The following LIPN variants were observed in gnomAD, a reference collection of about 807,000 sequenced individuals.
The protein encoded by LIPN is lipase member N.
A neutral mutation model predicts 43.7 loss-of-function variants in LIPN; 32 were observed. The ratio of observed to expected loss-of-function variants is 0.73; its 90% CI spans 0.55 to 0.98. The LOEUF (loss-of-function observed/expected upper bound fraction) is 0.98. Among genes scored for constraint, LIPN ranks in the 50% least tolerant of loss-of-function variants. The pLI is 0.00. For synonymous variants in LIPN, 156 were observed against 157.6 expected, an observed-to-expected ratio of 0.99 and a Z score of 0.08; for missense variants, 505 against 483.8, an observed-to-expected ratio of 1.04 and a Z score of -0.41.
chr10:88,769,368 C>T (rs774111621), intron 6 of LIPN, among the ~76,000 whole-genome samples: 12 of 151,868 alleles, frequency 7.9e-5, no homozygotes, highest in Non-Finnish European at 1.5e-4. Flanking sequence ...AATATGGAAA[C>T]TTGCCCTAAT....
At chr10:88,774,252 A>G (rs1843257643) in intron 7 of LIPN, among the ~76,000 whole-genome samples, 1 of 152,046 alleles carries the variant, frequency 6.6e-6, no homozygotes, top group Non-Finnish European at 1.5e-5. Flanking sequence ...ACAGATTCAG[A>G]GCTGGTACAG....
chr10:88,777,767 C>T (rs1429660912), intron 9 of LIPN, among the ~76,000 whole-genome samples: 5 of 152,026 alleles, frequency 3.3e-5, no homozygotes, highest in Non-Finnish European at 7.4e-5. Context: ...TAATTTTTTG[C>T]CTTTTTTTCC....
At chr10:88,777,896 T>A (rs374356428) in intron 9 of LIPN, 113 bp from the exon 10 acceptor site, 3 of 622,896 alleles carry the variant, frequency 4.8e-6, no homozygotes, top group East Asian at 5.4e-5. Context: ...TTTCTTCATA[T>A]GTTGCTGGTG....
In LIPN at chr10:88,768,802, C is replaced by A; in HGVS notation, c.546C>A (p.Ala182=). ...HSLGTTIGFV[A]FSTMPELAQR... ...CTCCTGTTCTCTCAGGGTTTGTAGC[C>A]TTTTCCACCATGCCTGAACTGGCAC... The change falls in exon 6 of 10, where the codon GCC becomes GCA. Residue 182 remains alanine (A), a synonymous_variant. Coordinates refer to ENST00000404459, the MANE Select transcript of LIPN (RefSeq NM_001102469.2). 6.2e-7 allele frequency: 1 copy of A among 1,611,086 alleles called. No homozygotes were observed. Among genetic ancestry groups the A allele is most frequent in the Non-Finnish European group, 8.5e-7 (1 of 1,178,236 alleles).
intron 7 of LIPN, among the ~76,000 whole-genome samples, chr10:88,773,522 T>A (rs2134857345): frequency 6.6e-6 from 1 of 151,968 alleles, no homozygotes; most frequent in Non-Finnish European, 1.5e-5. Flanking sequence ...GGAGATGGGA[T>A]CCCCTCTTTA....
Position 88,768,982 on chromosome 10 carries a change from C to A in LIPN, c.672+54C>A, listed in dbSNP as rs1843159718. On this transcript the variant is annotated intron_variant, in intron 6 of 9. Transcript: ENST00000404459. ...AGGATCTCATTTTGGATCATAAATC[C>A]TTATTATTTTCAAATCTACTGTAAA... 4.6e-6 allele frequency: 7 copies of A among 1,519,364 alleles called. No homozygotes were observed. The Admixed American group carries it at 9.2e-5, about 20-fold the overall frequency. The allele number at this position is 1,519,364 out of a possible 1,614,324, so 94.1% of individuals were successfully genotyped here.
chr10:88,766,397 C>T lies in LIPN; in HGVS notation c.535+19C>T, dbSNP rs368964551. On this transcript the variant is annotated intron_variant, in intron 5 of 9. Transcript: ENST00000404459. ...ACAATAGGTATGTTTATGAGGGTCACTGTTAGGTGTGTTTTTGAGGGTCAG... is the reference window on the plus strand; with the variant it reads ...ACAATAGGTATGTTTATGAGGGTCATTGTTAGGTGTGTTTTTGAGGGTCAG... The T allele has an allele frequency of 7.1e-7, 1 of 1,416,368 alleles. No homozygotes were observed. Among genetic ancestry groups the T allele is most frequent in the South Asian group, 1.1e-5 (1 of 87,034 alleles). 87.7% of individuals were successfully genotyped at this position (1,416,368 alleles called of 1,614,324 possible). A position where few individuals can be genotyped will look rare whatever the true frequency, so the allele number is the denominator to read the frequency against.
chr10:88,761,459 T>C lies in LIPN; in HGVS notation c.54T>C (p.Ala18=), dbSNP rs771497047. 3.1e-6 allele frequency: 5 copies of C among 1,612,488 alleles called. No homozygotes were observed. Among genetic ancestry groups the C allele is most frequent in the Middle Eastern group, 1.7e-4 (1 of 6,032 alleles). ...GTTTGATCTGTGGAACTTTAAATGC[T>C]GGTGGATTCCTTGATTTGGAAAATG... ...TTCLICGTLN[A]GGFLDLENEV... Residue 18 remains alanine, a synonymous_variant, in exon 2 of 10, where the codon GCT becomes GCC. Coordinates refer to ENST00000404459, the MANE Select transcript of LIPN (RefSeq NM_001102469.2).
At position 88,775,129 on chromosome 10, in the gene LIPN, G is replaced by A; in HGVS notation, c.929G>A (p.Gly310Glu). 6.5e-7 allele frequency: 1 copy of A among 1,546,776 alleles called. No homozygotes were observed. Among genetic ancestry groups the A allele is most frequent in the African/African-American group, 1.4e-5 (1 of 72,862 alleles). Reference sequence around the variant, plus strand: ...GATGAATTCAGAGCTTATGACTGGGGAAATGACGCTGATAATATGAAACAT... The same window carrying A: ...GATGAATTCAGAGCTTATGACTGGGAAAATGACGCTGATAATATGAAACAT... ...HSDEFRAYDW[G>E]NDADNMKHYN... The change falls in exon 9 of 10, where the codon GGA (glycine) becomes GAA (glutamate). Residue 310 changes from glycine to glutamate, a missense_variant. Physicochemically the swap from Gly to Glu is moderately conservative, Grantham distance 98. Transcript: ENST00000404459.
chr10:88,762,953 C>T (rs138507652), intron 3 of LIPN, among the ~76,000 whole-genome samples: 1 of 152,090 alleles, frequency 6.6e-6, no homozygotes, highest in Non-Finnish European at 1.5e-5. Flanking sequence ...ACTACAAATC[C>T]TCTGAAGTAG....
At chr10:88,763,221 A>G (rs1336986272) in intron 3 of LIPN, among the ~76,000 whole-genome samples, 2 of 152,070 alleles carry the variant, frequency 1.3e-5, no homozygotes, top group African/African-American at 4.8e-5. Context: ...ATAATTTTGT[A>G]TAAGTCTCAT....
chr10:88,774,153 C>T (rs1472627103), intron 7 of LIPN, among the ~76,000 whole-genome samples: 2 of 151,976 alleles, frequency 1.3e-5, no homozygotes, highest in African/African-American at 4.8e-5. Flanking sequence ...TGCATCACCC[C>T]CACACTTGCA....
At chr10:88,774,762 CAG>C (rs144967133) in intron 8 of LIPN, among the ~76,000 whole-genome samples, 6,839 of 151,960 alleles carry the variant, frequency 0.045, 385 homozygotes, top group African/African-American at 0.14. Context: ...CACCTTAAAT[CAG>C]AGTTTTAAAA....
At chr10:88,766,014 A>G (rs1340368943) in intron 4 of LIPN, among the ~76,000 whole-genome samples, 1 of 151,928 alleles carries the variant, frequency 6.6e-6, no homozygotes, top group Non-Finnish European at 1.5e-5. Context: ...GGGAAGGAAG[A>G]GGAGGGATCA....
intron 6 of LIPN, among the ~76,000 whole-genome samples, chr10:88,770,333 T>C (rs1376718361): frequency 6.6e-6 from 1 of 152,042 alleles, no homozygotes; most frequent in East Asian, 1.9e-4. Flanking sequence ...GAATGCAGTG[T>C]ACACATGGGT....
intron 4 of LIPN, among the ~76,000 whole-genome samples, 185 bp downstream of exon 4, chr10:88,764,793 T>A (rs1843065464): frequency 6.6e-6 from 1 of 151,970 alleles, no homozygotes; most frequent in Non-Finnish European, 1.5e-5. Context: ...ACAGGCAAAG[T>A]ATGGCATTTC....
In LIPN at chr10:88,779,265, T is replaced by C. The variant is rs1225332754; in HGVS notation, c.*1023T>C. Among the ~76,000 whole-genome samples, 1 of 152,202 alleles carries C rather than the reference T, an allele frequency of 6.6e-6. No homozygotes were observed. The highest frequency in any genetic ancestry group is 2.4e-5 in the African/African-American group (1 of 41,456). On this transcript the variant is annotated 3_prime_UTR_variant, in exon 10 of 10. Transcript: ENST00000404459. ...TCAAGTGTTCTGATGCAGGCTGATA[T>C]CCTTCTGTGCTAAGAGAGATGATCC...
chr10:88,768,159 T>C (rs1348896942), intron 5 of LIPN, among the ~76,000 whole-genome samples: 1 of 151,536 alleles, frequency 6.6e-6, no homozygotes, highest in African/African-American at 2.4e-5. Flanking sequence ...TCCTCACAGA[T>C]ATACAAAGGG....
In LIPN at chr10:88,769,515, T is replaced by G. The variant is rs1308827512; in HGVS notation, c.672+587T>G. 26 of 611,018 alleles carry G rather than the reference T, an allele frequency of 4.3e-5. No individual in the cohort carries two copies. The African/African-American group carries it at 1.0e-3, about 24-fold the overall frequency. 37.8% of individuals were successfully genotyped at this position (611,018 alleles called of 1,614,324 possible). On this transcript the variant is annotated intron_variant, in intron 6 of 9. Coordinates refer to ENST00000404459, the MANE Select transcript of LIPN (RefSeq NM_001102469.2). Reference sequence around the variant, plus strand: ...TTTGGGATTTTATCTATTAAAGGGTTTTTTTTTTTTTTCTCTTTGCTTTTG... The same window carrying G: ...TTTGGGATTTTATCTATTAAAGGGTGTTTTTTTTTTTTCTCTTTGCTTTTG...
Sources: allele counts gnomAD v4.1 joint callset (sites outside exome capture counted in the v4.1 genomes callset), GRCh38; gene constraint gnomAD v4.1.1; transcripts MANE v1.5; gene names NCBI Gene and HGNC (gene_info 2026-07-23, HGNC 2026-07-21).